DISP1: variants seen among roughly 807,000 people sequenced by gnomAD.
DISP1 encodes protein dispatched homolog 1.
A neutral mutation model predicts 37.3 loss-of-function variants in DISP1; 30 were observed. The observed-to-expected ratio is 0.80, with a 90% confidence interval of 0.60 to 1.09. The LOEUF is 1.09. Ranked by LOEUF, DISP1 falls within the 50% of genes least tolerant of loss-of-function variation. DISP1 has a pLI of 0.00. For missense variants in DISP1, 1,598 were observed against 1,879.5 expected, an observed-to-expected ratio of 0.85 and a Z score of 2.77; for synonymous variants, 634 against 690.2, an observed-to-expected ratio of 0.92 and a Z score of 1.28.
intron 3 of DISP1, among the ~76,000 whole-genome samples, chr1:222,962,204 T>C (rs1180523360): frequency 6.6e-6 from 1 of 151,770 alleles, no homozygotes; most frequent in Non-Finnish European, 1.5e-5. Context: ...AAAGAATAAA[T>C]ACCTTGGAAT....
intron 1 of DISP1, among the ~76,000 whole-genome samples, chr1:222,925,295 T>G (rs887350797): frequency 6.6e-6 from 1 of 152,164 alleles, no homozygotes; most frequent in African/African-American, 2.4e-5. Context: ...ATATTTAATT[T>G]AAGGGATTTC....
rs1671076131 is a variant in DISP1 at position 222,893,762 on chromosome 1, T to G, written c.-158-34668T>G. Among the ~76,000 whole-genome samples the G allele has an allele frequency of 6.6e-6, 1 of 152,146 alleles. No homozygotes were observed. Among genetic ancestry groups the G allele is most frequent in the African/African-American group, 2.4e-5 (1 of 41,450 alleles). On this transcript the variant is annotated intron_variant, in intron 1 of 8. Transcript: ENST00000675850. The surrounding 1 kb of genome is among the most constrained non-coding windows in gnomAD (Gnocchi z 4.3). ...GCTCCGGGAGCTCCTAGATGTGGGC[T>G]CCCTTCTCTCCTTCTTGTTGCCCAC...
At chr1:222,834,944 C>G (rs34755094) in intron 1 of DISP1, among the ~76,000 whole-genome samples, 17,175 of 152,098 alleles carry the variant, frequency 0.11, 1,282 homozygotes, top group South Asian at 0.16. Flanking sequence ...ATACAGCAGG[C>G]ATTCAGTTAA....
intron 1 of DISP1, among the ~76,000 whole-genome samples, chr1:222,835,996 C>T (rs1666932558): frequency 6.6e-6 from 1 of 150,990 alleles, no homozygotes; most frequent in African/African-American, 2.4e-5. Context: ...CAGCAGACTT[C>T]CTAGATCTCT....
At chr1:222,897,044 T>C (rs2125397909) in intron 1 of DISP1, among the ~76,000 whole-genome samples, 1 of 152,338 alleles carries the variant, frequency 6.6e-6, no homozygotes, top group South Asian at 2.1e-4. Flanking sequence ...GACTAACTTA[T>C]GAGTGTCCAT....
intron 1 of DISP1, among the ~76,000 whole-genome samples, chr1:222,903,843 G>A (rs1382801472): frequency 6.6e-6 from 1 of 152,218 alleles, no homozygotes; most frequent in Non-Finnish European, 1.5e-5. Flanking sequence ...TTTACTCAGA[G>A]GTTAGGGAAG....
At position 222,956,451 on chromosome 1, in the gene DISP1, A is replaced by G. The variant is rs563585668; in HGVS notation, c.509+13119A>G. 2.0e-5 allele frequency among the ~76,000 whole-genome samples: 3 copies of G among 152,300 alleles called. No homozygotes were observed. In the South Asian group the frequency reaches 6.2e-4, roughly 32 times the overall value. ...CATAATGAGGAACTAGTAAGGTTAT[A>G]TATTCTGGATCTTTGTTTTTTAGGT... On this transcript the variant is annotated intron_variant, in intron 3 of 8. Coordinates refer to ENST00000675850, the MANE Select transcript of DISP1 (RefSeq NM_001377229.1).
chr1:222,924,280 G>A lies in DISP1; in HGVS notation c.-158-4150G>A, dbSNP rs150271706. ...CTTTTCTTAAATAATCCAGGTTTGA[G>A]TAGTAAAATTGGGATTTATCTTATC... On this transcript the variant is annotated intron_variant, in intron 1 of 8. Coordinates refer to ENST00000675850, the MANE Select transcript of DISP1 (RefSeq NM_001377229.1). 2.5e-4 allele frequency among the ~76,000 whole-genome samples: 38 copies of A among 152,252 alleles called. No individual in the cohort carries two copies. In the East Asian group the frequency reaches 5.8e-3, roughly 23 times the overall value.
Position 223,005,825 on chromosome 1 carries a change from C to G in DISP1, c.4428C>G (p.Cys1476Trp). 1 of 1,614,128 alleles carries G rather than the reference C, an allele frequency of 6.2e-7. No individual in the cohort carries two copies. The highest frequency in any genetic ancestry group is 1.3e-5 in the African/African-American group (1 of 75,046). Residue 1476 changes from cysteine to tryptophan, a missense_variant, in exon 9 of 9, where the codon TGC becomes TGG. Coordinates refer to ENST00000675850, the MANE Select transcript of DISP1 (RefSeq NM_001377229.1). Reference sequence around the variant, plus strand: ...TGGGGGAGGCTGGTTGTAGGTCTTGCCCAAATAATTCACAAAGTTGTGGCA... The same window carrying G: ...TGGGGGAGGCTGGTTGTAGGTCTTGGCCAAATAATTCACAAAGTTGTGGCA... Reference protein sequence around the residue: ...HLMGEAGCRSCPNNSQSCGRI... With the variant: ...HLMGEAGCRSWPNNSQSCGRI...
chr1:222,822,611 G>T (rs956251492), intron 1 of DISP1, among the ~76,000 whole-genome samples: 2 of 152,126 alleles, frequency 1.3e-5, no homozygotes, highest in African/African-American at 4.8e-5. Flanking sequence ...TTGATCATGA[G>T]CTAGAACAGC....
intron 5 of DISP1, 105 bp from the exon 6 acceptor site, chr1:222,991,415 G>A (rs1200871843): frequency 7.1e-7 from 1 of 1,412,894 alleles, no homozygotes; most frequent in African/African-American, 1.4e-5. Flanking sequence ...TATATTTTCT[G>A]TTGAAAGCTA....
chr1:222,940,588 T>G (rs943284006), intron 2 of DISP1, among the ~76,000 whole-genome samples: 6 of 152,220 alleles, frequency 3.9e-5, no homozygotes, highest in Admixed American at 3.9e-4. Context: ...CATCTGTGAT[T>G]AGAATCAGTA....
intron 1 of DISP1, among the ~76,000 whole-genome samples, chr1:222,853,218 G>A (rs527601399): frequency 2.0e-5 from 3 of 152,242 alleles, no homozygotes; most frequent in East Asian, 1.9e-4. Context: ...TCATCCCACC[G>A]TTAGGATGGC....
At chr1:222,946,973 T>C (rs2926161) in intron 3 of DISP1, among the ~76,000 whole-genome samples, 123,693 of 152,136 alleles carry the variant, frequency 0.81, 50,900 homozygotes, top group East Asian at 0.94. Flanking sequence ...TAATGAGGAC[T>C]CATTATAGAT....
chr1:222,867,181 G>A (rs1375861802), intron 1 of DISP1, among the ~76,000 whole-genome samples: 1 of 152,212 alleles, frequency 6.6e-6, no homozygotes, highest in Non-Finnish European at 1.5e-5. Flanking sequence ...TCTAGAGACT[G>A]AATGGCTTAG....
In DISP1 at chr1:222,992,017, C is replaced by G. The variant is rs753264273; in HGVS notation, c.796C>G (p.Arg266Gly). Residue 266 changes from arginine (R) to glycine (G), a missense_variant, in exon 7 of 9, where the codon CGG becomes GGG. Physicochemically the swap from Arg to Gly is moderately radical, Grantham distance 125 (BLOSUM62 -2). Coordinates refer to ENST00000675850, the MANE Select transcript of DISP1 (RefSeq NM_001377229.1). ...CAAATTGTCGTTCCATTTCAGCCAT[C>G]GGGATGATAGATGGTCAGATGATCA... ...KYADEQAKSHRDDRWSDDHYE... is the reference protein window; with the variant it reads ...KYADEQAKSHGDDRWSDDHYE... 6.8e-6 allele frequency: 11 copies of G among 1,611,954 alleles called. 1 individual carries two copies. The South Asian group carries it at 1.2e-4, about 18-fold the overall frequency.
intron 4 of DISP1, among the ~76,000 whole-genome samples, chr1:222,985,884 T>G (rs1430536060): frequency 6.6e-6 from 1 of 152,188 alleles, no homozygotes; most frequent in Non-Finnish European, 1.5e-5. Flanking sequence ...TTTTTTTTAA[T>G]TTTCTCAAAC....
chr1:222,897,960 C>T (rs1330521452), intron 1 of DISP1, among the ~76,000 whole-genome samples: 4 of 152,120 alleles, frequency 2.6e-5, no homozygotes, highest in East Asian at 1.9e-4. Context: ...CTTATGTCTT[C>T]GCAGTAAGTA....
rs1218106498 is a variant in DISP1, at chr1:223,003,743, GCT to G, written c.2348_2349del (p.Leu783ProfsTer24). On this transcript the variant is annotated frameshift_variant, in exon 9 of 9. Coordinates refer to ENST00000675850, the MANE Select transcript of DISP1 (RefSeq NM_001377229.1). LOFTEE classifies it low-confidence loss of function (END_TRUNC). The surrounding 1 kb of genome is among the most constrained non-coding windows in gnomAD (Gnocchi z 4.3). The part of the protein sequence containing the change: ...MFERVHHGEE[L>X]HMPITVIWGV... ...TTGAACGTGTTCACCATGGCGAGGAGCTCCACATGCCCATCACAGTAATCTGG... is the reference window on the plus strand; with the variant it reads ...TTGAACGTGTTCACCATGGCGAGGAGCCACATGCCCATCACAGTAATCTGG... The G allele has an allele frequency of 2.5e-6, 4 of 1,614,018 alleles. No homozygotes were observed. In the African/African-American group the frequency reaches 5.3e-5, roughly 22 times the overall value.
Sources: allele counts gnomAD v4.1 joint callset (sites outside exome capture counted in the v4.1 genomes callset), GRCh38; gene constraint gnomAD v4.1.1; non-coding constraint Gnocchi (gnomAD v3.1); transcripts MANE v1.5; gene names NCBI Gene and HGNC (gene_info 2026-07-23, HGNC 2026-07-21).